RAB3GAP2: variants seen among roughly 807,000 people sequenced by gnomAD.
RAB3GAP2 encodes the protein rab3 GTPase-activating protein non-catalytic subunit.
A neutral mutation model predicts 185.3 loss-of-function variants in RAB3GAP2; 87 were observed. The observed-to-expected ratio is 0.47, with a 90% CI of 0.39 to 0.56. The LOEUF (loss-of-function observed/expected upper bound fraction) is 0.56. Among genes scored for constraint, RAB3GAP2 ranks in the 20% least tolerant of loss-of-function variants. RAB3GAP2 has a pLI of 0.00. For missense variants in RAB3GAP2, 1,492 were observed against 1,638.2 expected (o/e 0.91, Z 1.54); for synonymous variants, 554 against 576.1 (o/e 0.96, Z 0.55).
intron 2 of RAB3GAP2, chr1:220,220,235 G>A (rs2102885504): frequency 6.6e-6 from 1 of 152,322 alleles, no homozygotes. Flanking sequence ...TCGTTGTGGT[G>A]GCTGCGCTAA....
intron 9 of RAB3GAP2, chr1:220,200,620 C>T: frequency 1.9e-6 from 1 of 527,946 alleles, no homozygotes; most frequent in Non-Finnish European, 3.9e-6. Context: ...TTCAATGTTC[C>T]AAAGTTTAAT....
intron 1 of RAB3GAP2, among the ~76,000 whole-genome samples, chr1:220,242,480 T>A (rs1348420625): frequency 1.3e-5 from 2 of 149,922 alleles, no homozygotes; most frequent in African/African-American, 2.5e-5. Context: ...AACTGGAAAC[T>A]AGGGAAAAAA....
rs1657708709 is a variant in RAB3GAP2 at position 220,149,688 on chromosome 1, A to G, written c.*1563T>C. ...CCCTTTCCAGTGCTGCTACTCTGTA[A>G]AATGTATGTCTCAATCAGACTCACA... is the stretch of plus-strand genomic sequence containing the variant. On this transcript the variant is annotated 3_prime_UTR_variant, in exon 35 of 35. Coordinates refer to ENST00000358951, the MANE Select transcript of RAB3GAP2 (RefSeq NM_012414.4). 1 of 152,170 alleles carries G rather than the reference A, an allele frequency of 6.6e-6. No individual in the cohort carries two copies. The highest frequency in any genetic ancestry group is 2.4e-5 in the African/African-American group (1 of 41,424). 9.4% of individuals were successfully genotyped at this position (152,170 alleles called of 1,614,324 possible).
At chr1:220,189,141 A>C (rs1658560089) in intron 17 of RAB3GAP2, among the ~76,000 whole-genome samples, 1 of 151,926 alleles carries the variant, frequency 6.6e-6, no homozygotes, top group South Asian at 2.1e-4. Flanking sequence ...TCCTGGTAAG[A>C]TTTTATTTCC....
intron 29 of RAB3GAP2, 100 bp from the exon 30 acceptor site, chr1:220,157,976 CTT>C: frequency 1.1e-6 from 1 of 880,958 alleles, no homozygotes; most frequent in Non-Finnish European, 1.9e-6. Context: ...GTTCAGCTGA[CTT>C]TCCACACTGA....
chr1:220,254,056 T>G (rs370236003), intron 1 of RAB3GAP2: 44 of 1,613,822 alleles, frequency 2.7e-5, no homozygotes, highest in Middle Eastern at 3.3e-4. Context: ...GATTCCTGAA[T>G]AGCTAAAACC....
intron 1 of RAB3GAP2, among the ~76,000 whole-genome samples, chr1:220,244,970 G>C (rs1448196206): frequency 6.6e-6 from 1 of 152,016 alleles, no homozygotes; most frequent in Non-Finnish European, 1.5e-5. Context: ...ATAAATAAAT[G>C]GGATCTATTT....
At position 220,148,343 on chromosome 1, in the gene RAB3GAP2, GAACA is replaced by G. The variant is rs1485312444; in HGVS notation, c.*2904_*2907del. On this transcript the variant is annotated 3_prime_UTR_variant, in exon 35 of 35. Coordinates refer to ENST00000358951, the MANE Select transcript of RAB3GAP2 (RefSeq NM_012414.4). ...ATATACATAAGAAGTTCACAACAAT[GAACA>G]GACAGAAAATAGCAGTATATACAGA... The G allele has an allele frequency of 2.6e-5, 4 of 152,520 alleles. No homozygotes were observed. Among genetic ancestry groups the G allele is most frequent in the East Asian group, 3.9e-4 (2 of 5,192 alleles). 9.4% of individuals were successfully genotyped at this position (152,520 alleles called of 1,614,324 possible).
At chr1:220,175,021 C>A (rs534006036) in intron 21 of RAB3GAP2, among the ~76,000 whole-genome samples, 53 of 152,256 alleles carry the variant, frequency 3.5e-4, no homozygotes, top group Non-Finnish European at 5.0e-4. Context: ...CAAAGACATT[C>A]TATACTCAAT....
chr1:220,236,572 G>C (rs1659595216), intron 1 of RAB3GAP2, among the ~76,000 whole-genome samples: 1 of 151,884 alleles, frequency 6.6e-6, no homozygotes, highest in East Asian at 1.9e-4. Context: ...GGAGGTAGTG[G>C]ACAGCAATTT....
intron 1 of RAB3GAP2, among the ~76,000 whole-genome samples, chr1:220,238,030 G>A (rs1417654421): frequency 6.6e-6 from 1 of 151,972 alleles, no homozygotes; most frequent in Non-Finnish European, 1.5e-5. Flanking sequence ...TTCAAAATCT[G>A]ATGAGTGTTT....
intron 2 of RAB3GAP2, among the ~76,000 whole-genome samples, chr1:220,219,962 T>C (rs894217252): frequency 2.6e-5 from 4 of 152,156 alleles, no homozygotes; most frequent in African/African-American, 7.2e-5. Flanking sequence ...ATAAGGGCAT[T>C]TGCCTACTAA....
rs1040839672 is a variant in RAB3GAP2 at position 220,181,933 on chromosome 1, C to T, written c.2310+324G>A. On this transcript the variant is annotated intron_variant, in intron 21 of 34. Coordinates refer to ENST00000358951, the MANE Select transcript of RAB3GAP2 (RefSeq NM_012414.4). Reference sequence around the variant, plus strand: ...CCAGTAGTCTCAGCTACTCAGGAGGCTGAGATGGGAGGATGGCTTGAGCCC... The same window carrying T: ...CCAGTAGTCTCAGCTACTCAGGAGGTTGAGATGGGAGGATGGCTTGAGCCC... 4.6e-5 allele frequency among the ~76,000 whole-genome samples: 7 copies of T among 151,848 alleles called. No individual in the cohort carries two copies. In the South Asian group the frequency reaches 1.0e-3, roughly 23 times the overall value.
intron 7 of RAB3GAP2, among the ~76,000 whole-genome samples, chr1:220,208,569 T>A (rs1051630349): frequency 6.6e-6 from 1 of 152,224 alleles, no homozygotes; most frequent in African/African-American, 2.4e-5. Flanking sequence ...AAACCTCATT[T>A]AATAACATTT....
rs1185027465 is a variant in RAB3GAP2 at position 220,158,936 on chromosome 1, T to C, written c.3261+450A>G. 6.6e-6 allele frequency among the ~76,000 whole-genome samples: 1 copy of C among 152,184 alleles called. No homozygotes were observed. On this transcript the variant is annotated intron_variant, in intron 29 of 34. Coordinates refer to ENST00000358951, the MANE Select transcript of RAB3GAP2 (RefSeq NM_012414.4). The surrounding 1 kb of genome is among the most constrained non-coding windows in gnomAD (Gnocchi z 4.3). ...AGTACTATTAATTTCTTGGGTCAAA[T>C]ACAAGTCCCATATCCATGGATTAGA...
chr1:220,172,600 C>G (rs539872014), intron 22 of RAB3GAP2, 37 bp downstream of exon 22: 1 of 1,420,244 alleles, frequency 7.0e-7, no homozygotes. Context: ...ATTTCAAACA[C>G]GAAACTTTGT....
intron 31 of RAB3GAP2, among the ~76,000 whole-genome samples, chr1:220,154,972 G>A (rs988285987): frequency 1.6e-4 from 25 of 151,980 alleles, no homozygotes; most frequent in Admixed American, 1.2e-3. Flanking sequence ...TGATCTGCCC[G>A]CCTCAGCCTC....
At chr1:220,225,078 T>C (rs1018001409) in intron 2 of RAB3GAP2, among the ~76,000 whole-genome samples, 6 of 152,312 alleles carry the variant, frequency 3.9e-5, no homozygotes, top group African/African-American at 1.4e-4. Context: ...AGCGCAGATT[T>C]GAACTAAAAT....
At position 220,210,954 on chromosome 1, in the gene RAB3GAP2, C is replaced by T. The variant is rs2102880445; in HGVS notation, c.434+1G>A. On this transcript the variant is annotated splice_donor_variant, in intron 5 of 34. Transcript: ENST00000358951. LOFTEE classifies it high-confidence loss of function. ...AACAGATGACTCTTATTTATCCTTA[C>T]CTCTTTTGGCTTGCTAGTGGGATAC... is the stretch of plus-strand genomic sequence containing the variant. 6.2e-7 allele frequency: 1 copy of T among 1,613,984 alleles called. No individual in the cohort carries two copies. Among genetic ancestry groups the T allele is most frequent in the Non-Finnish European group, 8.5e-7 (1 of 1,179,914 alleles).
Sources: allele counts gnomAD v4.1 joint callset (sites outside exome capture counted in the v4.1 genomes callset), GRCh38; gene constraint gnomAD v4.1.1; non-coding constraint Gnocchi (gnomAD v3.1); transcripts MANE v1.5; gene names NCBI Gene and HGNC (gene_info 2026-07-23, HGNC 2026-07-21).